Variants in STK3 observed in about 807,000 individuals in gnomAD.
The protein encoded by STK3 is serine/threonine-protein kinase 3.
Under a neutral mutation model 58.0 loss-of-function variants are expected in STK3, and 41 were observed. That is an observed-to-expected ratio of 0.71 (90% confidence interval 0.55 to 0.92). STK3 has a LOEUF of 0.92. Among genes scored for constraint, STK3 ranks in the 40% least tolerant of loss-of-function variants. STK3 has a pLI of 0.00. For synonymous variants in STK3, 170 were observed against 191.0 expected (o/e 0.89, Z 0.91); for missense variants, 479 against 602.7 (o/e 0.79, Z 2.15).
chr8:98,504,218 T>C (rs980415886), intron 10 of STK3, among the ~76,000 whole-genome samples: 2 of 146,738 alleles, frequency 1.4e-5, no homozygotes, highest in Non-Finnish European at 3.1e-5. Flanking sequence ...CAACCCCTGC[T>C]TTTTTTTGCT....
chr8:98,818,481 T>C (rs954819585), intron 1 of STK3, among the ~76,000 whole-genome samples: 18 of 152,154 alleles, frequency 1.2e-4, no homozygotes, highest in Admixed American at 5.9e-4. Flanking sequence ...CAGGAGACTA[T>C]GTGGCTTGGT....
At chr8:98,620,478 A>ATAAC (rs1712927725) in intron 6 of STK3, among the ~76,000 whole-genome samples, 1 of 148,258 alleles carries the variant, frequency 6.7e-6, no homozygotes, top group Non-Finnish European at 1.5e-5. Flanking sequence ...AAAAAAATAA[A>ATAAC]TAAATAAATA....
intron 6 of STK3, chr8:98,633,585 C>T (rs1819414658): frequency 1.3e-6 from 1 of 743,092 alleles, no homozygotes; most frequent in East Asian, 2.5e-5. Flanking sequence ...CTCTGTCTTT[C>T]AGTCAGCAGT....
At chr8:98,686,488 A>C (rs939733077) in intron 6 of STK3, among the ~76,000 whole-genome samples, 1 of 152,228 alleles carries the variant, frequency 6.6e-6, no homozygotes, top group Admixed American at 6.5e-5. Flanking sequence ...TACATGGCAG[A>C]AAATTTCAAG....
At chr8:98,818,538 ATGTGTG>A (rs72513007) in intron 1 of STK3, among the ~76,000 whole-genome samples, 361 of 145,410 alleles carry the variant, frequency 2.5e-3, no homozygotes, top group African/African-American at 6.2e-3. Context: ...TAAATTATAA[ATGTGTG>A]TGTGTGTGTG....
intron 6 of STK3, among the ~76,000 whole-genome samples, chr8:98,695,394 T>TA (rs1824805943): frequency 6.6e-6 from 1 of 152,194 alleles, no homozygotes; most frequent in Middle Eastern, 3.2e-3. Context: ...CCATTGCTTT[T>TA]GGTGTTTTAG....
At chr8:98,642,149 T>A (rs2068573392) in intron 6 of STK3, among the ~76,000 whole-genome samples, 1 of 152,132 alleles carries the variant, frequency 6.6e-6, no homozygotes, top group Non-Finnish European at 1.5e-5. Flanking sequence ...CAAGTTCTCA[T>A]TCATATGTGA....
intron 3 of STK3, among the ~76,000 whole-genome samples, chr8:98,407,937 C>T (rs1818014747): frequency 1.3e-5 from 2 of 152,194 alleles, no homozygotes; most frequent in Non-Finnish European, 2.9e-5. Context: ...ACGGGTCTAG[C>T]GTTGTGCTGG....
intron 9 of STK3, among the ~76,000 whole-genome samples, chr8:98,529,818 T>C (rs182647079): frequency 6.6e-6 from 1 of 152,196 alleles, no homozygotes; most frequent in African/African-American, 2.4e-5. Flanking sequence ...GTATTTAGAG[T>C]AGTCAACATC....
chr8:98,916,761 G>A (rs973508171), intron 1 of STK3, among the ~76,000 whole-genome samples: 62 of 152,132 alleles, frequency 4.1e-4, no homozygotes, highest in African/African-American at 1.4e-3. Context: ...TCTGCCCCTC[G>A]TGCAGCTTCC....
At chr8:98,488,119 T>C (rs898876194) in intron 10 of STK3, among the ~76,000 whole-genome samples, 2 of 152,186 alleles carry the variant, frequency 1.3e-5, no homozygotes, top group African/African-American at 4.8e-5. Flanking sequence ...CCCACTTCTC[T>C]TCCTCTCTGG....
chr8:98,877,520 G>A (rs952828602), intron 3 of STK3, among the ~76,000 whole-genome samples: 2 of 151,872 alleles, frequency 1.3e-5, no homozygotes, highest in African/African-American at 4.8e-5. Flanking sequence ...TTTCGCTCTT[G>A]TCGCCCAGGC....
chr8:98,589,954 G>T (rs867196957), intron 7 of STK3, among the ~76,000 whole-genome samples: 1 of 152,114 alleles, frequency 6.6e-6, no homozygotes, highest in East Asian at 1.9e-4. Flanking sequence ...GCCCTGCTTC[G>T]GCTCGCACAC....
intron 7 of STK3, among the ~76,000 whole-genome samples, chr8:98,591,674 T>G (rs1815328314): frequency 6.6e-6 from 1 of 152,050 alleles, no homozygotes; most frequent in African/African-American, 2.4e-5. Context: ...ATACCGAGAT[T>G]TTGAGATTAA....
At chr8:98,708,769 TTGAC>T (rs546137647) in intron 4 of STK3, among the ~76,000 whole-genome samples, 13 of 152,200 alleles carry the variant, frequency 8.5e-5, no homozygotes, top group Non-Finnish European at 1.3e-4. Flanking sequence ...ACCCTGTGAA[TTGAC>T]TGAGTGAGTG....
At chr8:98,675,002 T>C (rs1435853456) in intron 6 of STK3, among the ~76,000 whole-genome samples, 1 of 133,018 alleles carries the variant, frequency 7.5e-6, no homozygotes, top group East Asian at 2.4e-4. Context: ...CAAACATATG[T>C]TGACCAGTCA....
At chr8:98,520,965 C>T (rs1825316801) in intron 10 of STK3, among the ~76,000 whole-genome samples, 2 of 152,156 alleles carry the variant, frequency 1.3e-5, no homozygotes, top group Non-Finnish European at 2.9e-5. Flanking sequence ...ACACCCTTTT[C>T]CTTGTCTTTT....
chr8:98,856,101 G>C (rs575778668), intron 3 of STK3, among the ~76,000 whole-genome samples: 2 of 145,104 alleles, frequency 1.4e-5, no homozygotes, highest in Non-Finnish European at 3.0e-5. Context: ...GTTGCAGTGG[G>C]CCGAGATCAC....
intron 6 of STK3, among the ~76,000 whole-genome samples, chr8:98,637,482 C>T (rs1819705802): frequency 6.6e-6 from 1 of 152,182 alleles, no homozygotes; most frequent in African/African-American, 2.4e-5. Flanking sequence ...CAGAGCATCA[C>T]AGCCTGAACT....
Sources: allele counts gnomAD v4.1 joint callset (sites outside exome capture counted in the v4.1 genomes callset), GRCh38; gene constraint gnomAD v4.1.1; transcripts MANE v1.5; gene names NCBI Gene and HGNC (gene_info 2026-07-23, HGNC 2026-07-21).